ESRRG: variants seen among roughly 807,000 people sequenced by gnomAD.
The protein encoded by ESRRG is estrogen related receptor gamma.
ESRRG carries 13 observed loss-of-function variants against 44.0 expected under a neutral mutation model. The ratio of observed to expected loss-of-function variants is 0.30; its 90% CI spans 0.19 to 0.47. The LOEUF is 0.47. ESRRG is among the 20% of genes least tolerant of loss of function. The probability of loss-of-function intolerance (pLI) is 1.00; values close to 1 mark genes in which losing one functional copy is unlikely to be tolerated. For missense variants in ESRRG, 395 were observed against 580.6 expected (o/e 0.68, Z 3.29); for synonymous variants, 215 against 214.6 (o/e 1.00, Z -0.02).
At chr1:216,891,658 C>A (rs1038796878) in intron 2 of ESRRG, among the ~76,000 whole-genome samples, 8 of 152,172 alleles carry the variant, frequency 5.3e-5, no homozygotes, top group African/African-American at 1.9e-4. Flanking sequence ...AACAGGTATA[C>A]TGTCAATAAA....
chr1:216,964,562 T>C (rs1299186964), intron 1 of ESRRG, among the ~76,000 whole-genome samples: 17 of 152,062 alleles, frequency 1.1e-4, no homozygotes, highest in Admixed American at 7.9e-4. Context: ...GGAATGAGTG[T>C]ATAGAGGGGT....
upstream of ESRRG, among the ~76,000 whole-genome samples, chr1:217,093,212 C>A (rs756202142): frequency 1.3e-5 from 2 of 152,128 alleles, no homozygotes; most frequent in African/African-American, 2.4e-5. Context: ...GCTGTGTGAC[C>A]TCTGGCAAAT....
At chr1:216,688,670 C>A (rs2078481130) in intron 1 of ESRRG, among the ~76,000 whole-genome samples, 1 of 151,508 alleles carries the variant, frequency 6.6e-6, no homozygotes, top group East Asian at 1.9e-4. Context: ...TCAGCCAATG[C>A]AGAGATATGA....
intron 1 of ESRRG, among the ~76,000 whole-genome samples, chr1:217,119,169 T>C (rs946735117): frequency 6.6e-6 from 1 of 152,232 alleles, no homozygotes; most frequent in Admixed American, 6.5e-5. Flanking sequence ...GCAATTAAAA[T>C]AGCACCATTC....
chr1:217,040,537 A>G (rs77098206), intron 1 of ESRRG, among the ~76,000 whole-genome samples: 2,619 of 152,296 alleles, frequency 0.017, 77 homozygotes, highest in African/African-American at 0.061. Context: ...TTTCAGCAAT[A>G]AGTTAGCAAT....
At chr1:216,542,991 A>G (rs1442885347) in intron 5 of ESRRG, among the ~76,000 whole-genome samples, 1 of 152,070 alleles carries the variant, frequency 6.6e-6, no homozygotes, top group Non-Finnish European at 1.5e-5. Context: ...ATTTAGTGGA[A>G]GAACCAAAGA....
At chr1:217,065,373 C>T (rs1205486107) in intron 1 of ESRRG, among the ~76,000 whole-genome samples, 1 of 152,212 alleles carries the variant, frequency 6.6e-6, no homozygotes, top group Admixed American at 6.5e-5. Flanking sequence ...ATATGACTTT[C>T]GATGTGGCAT....
intron 2 of ESRRG, among the ~76,000 whole-genome samples, chr1:216,787,626 C>CCCG (rs2094176081): frequency 1.4e-5 from 2 of 140,328 alleles, no homozygotes; most frequent in Non-Finnish European, 3.1e-5. Flanking sequence ...AAAAAAAAAT[C>CCCG]CCGAAATGGC....
chr1:216,942,145 TGTAA>T (rs2065339056), intron 1 of ESRRG, among the ~76,000 whole-genome samples: 1 of 152,116 alleles, frequency 6.6e-6, no homozygotes, highest in East Asian at 1.9e-4. Flanking sequence ...AGCTCTCAAT[TGTAA>T]GTAAGAACAT....
intron 1 of ESRRG, among the ~76,000 whole-genome samples, chr1:216,679,907 TG>T (rs2076755217): frequency 6.6e-6 from 1 of 152,178 alleles, no homozygotes; most frequent in South Asian, 2.1e-4. Flanking sequence ...TTAAAGTCCC[TG>T]AAAAATAGGG....
At chr1:216,665,952 A>T (rs2073825480) in intron 2 of ESRRG, among the ~76,000 whole-genome samples, 1 of 152,146 alleles carries the variant, frequency 6.6e-6, no homozygotes, top group Non-Finnish European at 1.5e-5. Flanking sequence ...CTTCTAAGAA[A>T]TTGTCTAAGT....
intron 6 of ESRRG, among the ~76,000 whole-genome samples, chr1:216,511,823 GA>G (rs1377904981): frequency 6.6e-6 from 1 of 152,088 alleles, no homozygotes; most frequent in East Asian, 1.9e-4. Flanking sequence ...GGTTCCCACT[GA>G]AAAAAATGGG....
chr1:216,642,895 A>C (rs1217449194), intron 3 of ESRRG, among the ~76,000 whole-genome samples: 1 of 152,206 alleles, frequency 6.6e-6, no homozygotes, highest in East Asian at 1.9e-4. Flanking sequence ...CTAAGCAAAA[A>C]CAAATCCACT....
intron 2 of ESRRG, among the ~76,000 whole-genome samples, chr1:216,897,967 T>C (rs2058612092): frequency 6.6e-6 from 1 of 152,160 alleles, no homozygotes; most frequent in South Asian, 2.1e-4. Flanking sequence ...GCCTGGCTCA[T>C]TTCCTGGCAT....
chr1:217,060,257 C>T (rs1471068646), intron 1 of ESRRG, among the ~76,000 whole-genome samples: 3 of 152,038 alleles, frequency 2.0e-5, no homozygotes, highest in Non-Finnish European at 4.4e-5. Context: ...ATGAGTTTCT[C>T]ACTGCCATCC....
At chr1:216,790,103 A>C (rs2094267811) in intron 2 of ESRRG, among the ~76,000 whole-genome samples, 1 of 152,202 alleles carries the variant, frequency 6.6e-6, no homozygotes, top group Non-Finnish European at 1.5e-5. Context: ...CATGGGTTGA[A>C]GATGACAAAA....
At chr1:216,909,282 A>G (rs1221144679) in intron 2 of ESRRG, among the ~76,000 whole-genome samples, 3 of 152,164 alleles carry the variant, frequency 2.0e-5, no homozygotes, top group Non-Finnish European at 4.4e-5. Flanking sequence ...TAGATTCACA[A>G]AATTTCAGTT....
intron 2 of ESRRG, among the ~76,000 whole-genome samples, chr1:216,919,625 T>C (rs2061587085): frequency 1.3e-5 from 2 of 152,182 alleles, no homozygotes; most frequent in Admixed American, 6.6e-5. Context: ...AAACAGCCTA[T>C]CACCATAGCT....
intron 2 of ESRRG, among the ~76,000 whole-genome samples, chr1:216,655,804 A>T (rs2070353020): frequency 1.3e-5 from 2 of 152,134 alleles, no homozygotes; most frequent in Non-Finnish European, 2.9e-5. Flanking sequence ...AGGCCCTCCC[A>T]TTGAGTTACT....
Sources: allele counts gnomAD v4.1 joint callset (sites outside exome capture counted in the v4.1 genomes callset), GRCh38; gene constraint gnomAD v4.1.1; transcripts MANE v1.5; gene names NCBI Gene and HGNC (gene_info 2026-07-23, HGNC 2026-07-21).